CCDC141: variants seen among roughly 807,000 people sequenced by gnomAD.
CCDC141 encodes the protein coiled-coil domain-containing protein 141.
CCDC141 carries 168 observed loss-of-function variants against 181.0 expected under a neutral mutation model. That is an observed-to-expected ratio of 0.93 (90% CI 0.82 to 1.05). The LOEUF is 1.05. Among genes scored for constraint, CCDC141 ranks in the 50% least tolerant of loss-of-function variants. CCDC141 has a pLI of 0.00. For missense variants in CCDC141, 1,902 were observed against 1,788.5 expected, an observed-to-expected ratio of 1.06 and a Z score of -1.14; for synonymous variants, 666 against 642.3, an observed-to-expected ratio of 1.04 and a Z score of -0.56.
chr2:178,874,284 G>A (rs1448608972), intron 12 of CCDC141: 5 of 152,144 alleles, frequency 3.3e-5, no homozygotes, highest in Non-Finnish European at 7.4e-5. Flanking sequence ...TTATCAATAA[G>A]GAGGAACTTA....
intron 6 of CCDC141, among the ~76,000 whole-genome samples, chr2:178,941,743 A>G (rs1376012227): frequency 6.6e-6 from 1 of 151,760 alleles, no homozygotes; most frequent in Non-Finnish European, 1.5e-5. Context: ...ACTTGAGGCC[A>G]GGAGTTCATA....
the CCDC141 span, among the ~76,000 whole-genome samples, chr2:178,824,749 C>T: frequency 6.6e-6 from 1 of 151,332 alleles, no homozygotes; most frequent in South Asian, 2.1e-4. Context: ...GTTCATAATC[C>T]ATTTTGGGTT....
chr2:178,907,098 A>G (rs908981315), intron 7 of CCDC141, among the ~76,000 whole-genome samples: 14 of 152,242 alleles, frequency 9.2e-5, no homozygotes, highest in African/African-American at 3.4e-4. Context: ...CAGTGAAGAG[A>G]AAGTTATAAT....
chr2:178,980,215 C>A (rs546969427), intron 2 of CCDC141, among the ~76,000 whole-genome samples: 115 of 152,090 alleles, frequency 7.6e-4, no homozygotes, highest in Middle Eastern at 3.4e-3. Context: ...GCTGGGAGAC[C>A]GAGGCGGGCA....
intron 2 of CCDC141, among the ~76,000 whole-genome samples, chr2:178,980,382 G>A (rs1237728445): frequency 1.6e-4 from 24 of 152,068 alleles, no homozygotes. Context: ...CCCAGGAGGT[G>A]GAGCTTGCAG....
chr2:178,978,608 T>G lies in CCDC141; in HGVS notation c.293A>C (p.Gln98Pro). 1 of 1,549,952 alleles carries G rather than the reference T, an allele frequency of 6.5e-7. No individual in the cohort carries two copies. Among genetic ancestry groups the G allele is most frequent in the Non-Finnish European group, 8.7e-7 (1 of 1,146,670 alleles). Residue 98 changes from glutamine to proline, a missense_variant, in exon 3 of 24, where the codon CAG (glutamine) becomes CCG (proline). Physicochemically the swap from Gln to Pro is moderately conservative, Grantham distance 76. Coordinates refer to ENST00000443758, the MANE Select transcript of CCDC141 (RefSeq NM_173648.4). ...GGCCATGGCATCATAGACCTGACTC[T>G]GATCCTTGTTCTCTTCAGCTGTCTT... Reference protein sequence around the residue: ...ADKTAEENKDQSQVYDAMAET... With the variant: ...ADKTAEENKDPSQVYDAMAET...
At chr2:179,020,347 C>T (rs180892421) in intron 2 of CCDC141, among the ~76,000 whole-genome samples, 3 of 152,232 alleles carry the variant, frequency 2.0e-5, no homozygotes, top group East Asian at 1.9e-4. Context: ...CACTGCCCCA[C>T]GCAGGGGAAC....
chr2:178,977,648 T>C (rs1228302192), intron 3 of CCDC141, among the ~76,000 whole-genome samples: 1 of 152,228 alleles, frequency 6.6e-6, no homozygotes, highest in Non-Finnish European at 1.5e-5. Context: ...TTACTAATCT[T>C]CTTTCCTTCA....
intron 2 of CCDC141, among the ~76,000 whole-genome samples, chr2:178,986,089 T>C (rs1691718568): frequency 1.3e-5 from 2 of 152,102 alleles, no homozygotes; most frequent in African/African-American, 4.8e-5. Flanking sequence ...GCAAACCGAA[T>C]CCAGCAGCAC....
chr2:178,884,532 G>A (rs1370636599), intron 11 of CCDC141, among the ~76,000 whole-genome samples: 1 of 152,096 alleles, frequency 6.6e-6, no homozygotes, highest in Admixed American at 6.6e-5. Context: ...GCTAATCAGA[G>A]CCTCACAAGA....
the CCDC141 span, chr2:178,817,590 C>G: frequency 1.7e-5 from 8 of 471,014 alleles, no homozygotes; most frequent in South Asian, 1.2e-4. Context: ...TCCTGATCTT[C>G]TGGACACTGT....
chr2:178,944,188 TTTTA>T (rs1413993721), intron 6 of CCDC141, among the ~76,000 whole-genome samples: 2 of 152,202 alleles, frequency 1.3e-5, no homozygotes, highest in Non-Finnish European at 2.9e-5. Flanking sequence ...AGCCTTTTTG[TTTTA>T]TTTGTTTTGA....
intron 8 of CCDC141, among the ~76,000 whole-genome samples, chr2:178,899,435 ATAAG>A (rs754327443): frequency 3.1e-4 from 47 of 152,166 alleles, no homozygotes; most frequent in Non-Finnish European, 5.3e-4. Flanking sequence ...GGCTCAATAA[ATAAG>A]TGAGTTTGTG....
chr2:179,004,094 A>C (rs1032885090), intron 2 of CCDC141, among the ~76,000 whole-genome samples: 1 of 152,316 alleles, frequency 6.6e-6, no homozygotes, highest in African/African-American at 2.4e-5. Context: ...TTGGGGCTTC[A>C]TAGTAAATAC....
chr2:178,843,095 G>A (rs182940444), intron 22 of CCDC141, among the ~76,000 whole-genome samples: 20 of 152,310 alleles, frequency 1.3e-4, no homozygotes, highest in Non-Finnish European at 2.2e-4. Context: ...AGATAAATAG[G>A]AAGAGGGGAA....
intron 4 of CCDC141, among the ~76,000 whole-genome samples, chr2:178,974,639 C>T (rs1306504678): frequency 1.3e-5 from 2 of 152,104 alleles, no homozygotes; most frequent in South Asian, 2.1e-4. Context: ...CTGATTCAGA[C>T]CTGCTTTTTA....
In CCDC141 at chr2:178,865,762, C is replaced by T. The variant is rs375598558; in HGVS notation, c.2724+5G>A. The T allele has an allele frequency of 2.8e-4, 414 of 1,504,314 alleles. No individual in the cohort carries two copies. The highest frequency in any genetic ancestry group is 3.4e-4 in the Non-Finnish European group (382 of 1,124,214). The allele number at this position is 1,504,314 out of a possible 1,614,324, so 93.2% of individuals were successfully genotyped here. On this transcript the variant is annotated splice_donor_5th_base_variant and intron_variant, in intron 17 of 23. Transcript: ENST00000443758. Reference sequence around the variant, plus strand: ...TGTGCCAGTTCTCACCCCTCCCACACCCACCTCATTTATCTCGTCTCTCAT... The same window carrying T: ...TGTGCCAGTTCTCACCCCTCCCACATCCACCTCATTTATCTCGTCTCTCAT...
intron 14 of CCDC141, among the ~76,000 whole-genome samples, chr2:178,870,210 C>A (rs1424664047): frequency 1.1e-5 from 1 of 93,392 alleles, no homozygotes; most frequent in Non-Finnish European, 1.9e-5. Flanking sequence ...CCAGCCTGGG[C>A]AACAGAGTAA....
intron 3 of CCDC141, among the ~76,000 whole-genome samples, chr2:178,977,318 A>G (rs950330953): frequency 2.4e-4 from 37 of 152,168 alleles, no homozygotes; most frequent in African/African-American, 8.7e-4. Context: ...CCAATGCTAG[A>G]AAAAAAGAAA....
Sources: gnomAD v4.1 joint callset for allele counts (sites outside exome capture counted in the v4.1 genomes callset) on GRCh38, gnomAD v4.1.1 for gene constraint, MANE v1.5 for transcripts, NCBI Gene and HGNC (gene_info 2026-07-23, HGNC 2026-07-21) for gene names.